Variants in BACH2 observed in about 807,000 individuals in gnomAD.
BACH2 encodes transcription regulator protein BACH2.
Under a neutral mutation model 61.8 loss-of-function variants are expected in BACH2, and 5 were observed. The ratio of observed to expected loss-of-function variants is 0.08; its 90% CI spans 0.04 to 0.17. The LOEUF (loss-of-function observed/expected upper bound fraction) is 0.17. BACH2 is among the 10% of genes least tolerant of loss of function. BACH2 has a pLI of 1.00. For synonymous variants in BACH2, 446 were observed against 440.1 expected (o/e 1.01, Z -0.17); for missense variants, 824 against 1,091.1 (o/e 0.76, Z 3.45).
intron 4 of BACH2, among the ~76,000 whole-genome samples, chr6:90,160,186 C>A (rs975284834): frequency 6.6e-6 from 1 of 152,178 alleles, no homozygotes; most frequent in African/African-American, 2.4e-5. Context: ...TCATCACAGA[C>A]ATGTATTCAG....
Position 90,008,941 on chromosome 6 carries a change from A to T in BACH2, c.-12-85T>A. On this transcript the variant is annotated intron_variant, in intron 5 of 8. Transcript: ENST00000257749. This position sits in a 1 kb window ranked among gnomAD's most constrained non-coding sequence, Gnocchi z 4.1. The stretch of plus-strand genomic sequence containing the variant: ...GGATCAGAGAGAGGAGGTGAGAAAG[A>T]ACATCATGGTTCCTGTGTCCCACTG... 1 of 1,492,302 alleles carries T rather than the reference A, an allele frequency of 6.7e-7. No homozygotes were observed. The highest frequency in any genetic ancestry group is 2.3e-5 in the East Asian group (1 of 42,848). 92.4% of individuals were successfully genotyped at this position (1,492,302 alleles called of 1,614,324 possible).
intron 5 of BACH2, among the ~76,000 whole-genome samples, chr6:90,087,953 T>C (rs1438277084): frequency 3.3e-5 from 5 of 151,952 alleles, no homozygotes; most frequent in Admixed American, 2.6e-4. Context: ...TACTATCAAA[T>C]AGTGGGCCAT....
chr6:90,142,136 ATT>A (rs1418795921), intron 4 of BACH2, among the ~76,000 whole-genome samples: 1 of 152,212 alleles, frequency 6.6e-6, no homozygotes, highest in Non-Finnish European at 1.5e-5. Context: ...TGTCTTCATC[ATT>A]GTTAGAACGT....
chr6:90,173,114 TATTTAAAAAAAAAAAC>T (rs1376672489), intron 4 of BACH2, among the ~76,000 whole-genome samples: 1 of 149,566 alleles, frequency 6.7e-6, no homozygotes, highest in African/African-American at 2.5e-5. Flanking sequence ...CATGGAACTA[TATTTAAAAAAAAAAAC>T]AAAAGCAAAA....
At chr6:90,007,235 T>C (rs1235745323) in intron 6 of BACH2, among the ~76,000 whole-genome samples, 1 of 152,022 alleles carries the variant, frequency 6.6e-6, no homozygotes. Flanking sequence ...CCACCATGCC[T>C]GGCTAATATT....
intron 4 of BACH2, among the ~76,000 whole-genome samples, chr6:90,157,830 C>T (rs916818607): frequency 1.3e-5 from 2 of 152,102 alleles, no homozygotes; most frequent in African/African-American, 4.8e-5. Flanking sequence ...TCATTGAGCA[C>T]CTACTATATG....
intron 6 of BACH2, among the ~76,000 whole-genome samples, chr6:89,996,419 A>G (rs1044066531): frequency 6.6e-6 from 1 of 152,208 alleles, no homozygotes; most frequent in Admixed American, 6.5e-5. Context: ...TTGGTTCACA[A>G]TGTTTCATGA....
chr6:90,107,907 A>G (rs951663773), intron 4 of BACH2, among the ~76,000 whole-genome samples: 1 of 152,174 alleles, frequency 6.6e-6, no homozygotes, highest in Non-Finnish European at 1.5e-5. Context: ...TAACTCAGTA[A>G]ACAATACCCT....
intron 3 of BACH2, among the ~76,000 whole-genome samples, chr6:90,213,939 T>C (rs971598360): frequency 2.0e-5 from 3 of 152,182 alleles, no homozygotes; most frequent in Non-Finnish European, 2.9e-5. Context: ...TTAAACTTTA[T>C]AGAAGTCCAA....
chr6:90,128,139 C>G (rs1030220392), intron 4 of BACH2, among the ~76,000 whole-genome samples: 1 of 152,190 alleles, frequency 6.6e-6, no homozygotes, highest in African/African-American at 2.4e-5. Flanking sequence ...CCTCTTATTC[C>G]TCCTCAGCAC....
intron 5 of BACH2, among the ~76,000 whole-genome samples, chr6:90,077,695 CA>C (rs1199082420): frequency 6.6e-6 from 1 of 152,110 alleles, no homozygotes; most frequent in East Asian, 1.9e-4. Context: ...ACTAAGCCAC[CA>C]CTGTTTTATA....
chr6:90,173,925 G>A (rs1441953369), intron 4 of BACH2, among the ~76,000 whole-genome samples: 1 of 151,594 alleles, frequency 6.6e-6, no homozygotes, highest in Non-Finnish European at 1.5e-5. Context: ...AAGGAGGCTG[G>A]GGGAAGAACT....
At chr6:89,956,258 A>G (rs76049027) in intron 6 of BACH2, among the ~76,000 whole-genome samples, 1 of 152,282 alleles carries the variant, frequency 6.6e-6, no homozygotes, top group East Asian at 1.9e-4. Flanking sequence ...ATGAGATGGG[A>G]TCACACATTG....
At chr6:90,256,101 A>T (rs1770969312) in intron 2 of BACH2, among the ~76,000 whole-genome samples, 1 of 152,164 alleles carries the variant, frequency 6.6e-6, no homozygotes, top group African/African-American at 2.4e-5. Flanking sequence ...TCAATGTTGA[A>T]GCTCCTGGGG....
intron 1 of BACH2, among the ~76,000 whole-genome samples, chr6:90,293,315 G>T (rs773553061): frequency 2.0e-5 from 3 of 152,148 alleles, no homozygotes; most frequent in Non-Finnish European, 4.4e-5. Context: ...TCAAAAACTA[G>T]AGTAGAGGGG....
chr6:89,944,886 G>A (rs1773638257), intron 7 of BACH2, among the ~76,000 whole-genome samples: 1 of 152,122 alleles, frequency 6.6e-6, no homozygotes, highest in African/African-American at 2.4e-5. Context: ...GTCTTACTAA[G>A]AGGCTTACTA....
intron 6 of BACH2, among the ~76,000 whole-genome samples, chr6:89,981,387 C>G (rs1412868936): frequency 6.6e-6 from 1 of 151,970 alleles, no homozygotes; most frequent in Non-Finnish European, 1.5e-5. Flanking sequence ...GTGATTTGCC[C>G]GCCTCGGCCT....
intron 5 of BACH2, among the ~76,000 whole-genome samples, chr6:90,020,123 T>C: frequency 6.6e-6 from 1 of 152,228 alleles, no homozygotes; most frequent in East Asian, 1.9e-4. Context: ...GCCATGTCAG[T>C]ATTACTTTCT....
chr6:89,947,591 A>C (rs1353892962), intron 7 of BACH2, among the ~76,000 whole-genome samples: 1 of 150,286 alleles, frequency 6.7e-6, no homozygotes, highest in African/African-American at 2.5e-5. Context: ...TTTGAGACAG[A>C]GTCTCGCTCT....
Sources: allele counts gnomAD v4.1 joint callset (sites outside exome capture counted in the v4.1 genomes callset), GRCh38; gene constraint gnomAD v4.1.1; non-coding constraint Gnocchi (gnomAD v3.1); transcripts MANE v1.5; gene names NCBI Gene and HGNC (gene_info 2026-07-23, HGNC 2026-07-21).